Variants in NHSL3 observed in about 807,000 individuals in gnomAD.
NHSL3 encodes the protein NHS like 3.
the NHSL3 span, among the ~76,000 whole-genome samples, chr1:32,763,604 C>A: frequency 2.0e-5 from 3 of 152,182 alleles, no homozygotes; most frequent in South Asian, 4.1e-4. Flanking sequence ...GACAGAGTCT[C>A]ACTCTTGCCC....
chr1:32,754,674 G>A, the NHSL3 span, among the ~76,000 whole-genome samples: 1 of 152,040 alleles, frequency 6.6e-6, no homozygotes, highest in South Asian at 2.1e-4. Context: ...ACAACCAACC[G>A]GACTCGCATT....
the NHSL3 span, among the ~76,000 whole-genome samples, chr1:32,744,894 G>A: frequency 6.6e-6 from 1 of 152,074 alleles, no homozygotes; most frequent in Non-Finnish European, 1.5e-5. Flanking sequence ...GGGAGACCGA[G>A]GCGGGCAGAT....
the NHSL3 span, among the ~76,000 whole-genome samples, chr1:32,755,268 G>A: frequency 3.3e-5 from 5 of 152,228 alleles, no homozygotes; most frequent in Non-Finnish European, 1.5e-5. Flanking sequence ...ACATAGGCAG[G>A]CACTTTAGCG....
the NHSL3 span, chr1:32,768,628 C>T: frequency 6.2e-7 from 1 of 1,613,404 alleles, no homozygotes. Flanking sequence ...ACAGCCCCAC[C>T]CAGATCTCCT....
chr1:32,771,369 A>AC, the NHSL3 span: 2 of 936,404 alleles, frequency 2.1e-6, no homozygotes, highest in Non-Finnish European at 2.9e-6. Flanking sequence ...AGTCACCCCC[A>AC]CCTTCCCCAC....
the NHSL3 span, among the ~76,000 whole-genome samples, chr1:32,750,565 T>C: frequency 2.0e-5 from 3 of 152,186 alleles, no homozygotes; most frequent in Non-Finnish European, 4.4e-5. Context: ...TGGAGTGCAG[T>C]GGTGCGATCT....
At chr1:32,767,154 G>A in the NHSL3 span, among the ~76,000 whole-genome samples, 5 of 152,280 alleles carry the variant, frequency 3.3e-5, no homozygotes, top group East Asian at 1.9e-4. Context: ...CTGATTTCCC[G>A]TGATATCTTC....
chr1:32,751,334 G>A, the NHSL3 span, among the ~76,000 whole-genome samples: 1 of 152,178 alleles, frequency 6.6e-6, no homozygotes, highest in Non-Finnish European at 1.5e-5. Context: ...ACCTCCGTCA[G>A]TATGCAAGCG....
chr1:32,747,049 G>A, the NHSL3 span, among the ~76,000 whole-genome samples: 1 of 152,138 alleles, frequency 6.6e-6, no homozygotes, highest in Non-Finnish European at 1.5e-5. Context: ...TGGCCACTCA[G>A]GGAGGACTGT....
chr1:32,757,932 G>C, the NHSL3 span, among the ~76,000 whole-genome samples: 1 of 152,218 alleles, frequency 6.6e-6, no homozygotes, highest in Admixed American at 6.5e-5. Context: ...AAGAGGACTA[G>C]TGGAGGAAGC....
chr1:32,744,624 G>C, the NHSL3 span, among the ~76,000 whole-genome samples: 1 of 152,140 alleles, frequency 6.6e-6, no homozygotes, highest in African/African-American at 2.4e-5. Context: ...GATAGAGTGG[G>C]GAGAGTATCA....
At chr1:32,760,450 C>G in the NHSL3 span, among the ~76,000 whole-genome samples, 1 of 152,220 alleles carries the variant, frequency 6.6e-6, no homozygotes, top group African/African-American at 2.4e-5. Context: ...AGGAAAGCCC[C>G]TGAGTAGGGG....
At chr1:32,743,836 G>C in the NHSL3 span, among the ~76,000 whole-genome samples, 22 of 152,264 alleles carry the variant, frequency 1.4e-4, no homozygotes, top group African/African-American at 5.1e-4. Context: ...CAGCATGTCG[G>C]CCTGATTTGA....
the NHSL3 span, among the ~76,000 whole-genome samples, chr1:32,757,220 G>A: frequency 6.6e-6 from 1 of 152,206 alleles, no homozygotes; most frequent in Admixed American, 6.5e-5. Flanking sequence ...AGGAAGGAGA[G>A]AATACAAGGC....
chr1:32,752,112 A>G, the NHSL3 span, among the ~76,000 whole-genome samples: 1 of 152,220 alleles, frequency 6.6e-6, no homozygotes, highest in East Asian at 1.9e-4. Flanking sequence ...CACTAGGACC[A>G]TTTTCTCTGT....
At chr1:32,772,176 G>A in the NHSL3 span, 1 of 1,613,410 alleles carries the variant, frequency 6.2e-7, no homozygotes, top group Non-Finnish European at 8.5e-7. Context: ...AGCGGAATCT[G>A]GTGGCAGAAC....
At chr1:32,770,363 G>A in the NHSL3 span, 25 of 1,609,478 alleles carry the variant, frequency 1.6e-5, no homozygotes, top group Non-Finnish European at 2.0e-5. The surrounding 1 kb of genome is among the most constrained non-coding windows in gnomAD (Gnocchi z 8.3). Context: ...TCGCTGGGGC[G>A]CTTCTCCTCC....
At chr1:32,765,545 A>G in the NHSL3 span, 9 of 1,309,624 alleles carry the variant, frequency 6.9e-6, no homozygotes, top group East Asian at 2.3e-4. Context: ...GTGCCCCTGC[A>G]CCCCATTTAA....
chr1:32,754,066 C>T, the NHSL3 span: 1 of 652,900 alleles, frequency 1.5e-6, no homozygotes, highest in Non-Finnish European at 2.8e-6. Flanking sequence ...CGCTTGGGTT[C>T]CCGCGCCGGC....
Sources: allele counts gnomAD v4.1 joint callset (sites outside exome capture counted in the v4.1 genomes callset), GRCh38; gene constraint gnomAD v4.1.1; non-coding constraint Gnocchi (gnomAD v3.1); transcripts MANE v1.5; gene names NCBI Gene and HGNC (gene_info 2026-07-23, HGNC 2026-07-21).